The following PDE3B variants were observed in gnomAD, a reference collection of about 807,000 sequenced individuals.
PDE3B encodes cGMP-inhibited 3',5'-cyclic phosphodiesterase 3B.
In PDE3B, 66 loss-of-function variants were observed where a neutral mutation model predicts 116.8. The ratio of observed to expected loss-of-function variants is 0.56; its 90% CI spans 0.46 to 0.69. The LOEUF is 0.69. PDE3B is among the 30% of genes least tolerant of loss of function. The pLI, the probability that PDE3B is intolerant of heterozygous loss-of-function variation, is 0.00. For synonymous variants in PDE3B, 595 were observed against 533.6 expected, an observed-to-expected ratio of 1.12 and a Z score of -1.59; for missense variants, 1,384 against 1,368.1, an observed-to-expected ratio of 1.01 and a Z score of -0.18.
At chr11:14,692,952 C>T (rs927133898) in intron 1 of PDE3B, among the ~76,000 whole-genome samples, 1 of 152,154 alleles carries the variant, frequency 6.6e-6, no homozygotes, top group African/African-American at 2.4e-5. Context: ...AACAGTTAGT[C>T]AAGCTGTGAA....
chr11:14,733,741 A>G lies in PDE3B; in HGVS notation c.979-38196A>G, dbSNP rs367985040. Among the ~76,000 whole-genome samples, 39 of 152,366 alleles carry G rather than the reference A, an allele frequency of 2.6e-4. No individual in the cohort carries two copies. In the South Asian group the frequency reaches 7.7e-3, roughly 30 times the overall value. ...AAAAGCAGAGAGAAAATGAAAAAGA[A>G]AAAAGGTAGGAAAGATGTGCCTTTT... On this transcript the variant is annotated intron_variant, in intron 1 of 15. Transcript: ENST00000282096.
chr11:14,797,137 T>A (rs968512207), intron 4 of PDE3B, among the ~76,000 whole-genome samples: 1 of 152,220 alleles, frequency 6.6e-6, no homozygotes, highest in African/African-American at 2.4e-5. Context: ...TCCCCATTGC[T>A]TGTTGTGTCA....
intron 7 of PDE3B, among the ~76,000 whole-genome samples, chr11:14,826,046 GA>G (rs1298775183): frequency 6.6e-6 from 1 of 152,180 alleles, no homozygotes; most frequent in Non-Finnish European, 1.5e-5. Flanking sequence ...AATTAAGGCA[GA>G]AATCAAGAAG....
chr11:14,674,661 A>T, intron 1 of PDE3B: 1 of 272,496 alleles, frequency 3.7e-6, no homozygotes, highest in Non-Finnish European at 7.2e-6. Context: ...TATTTGAACT[A>T]CTTAAAGTGA....
At chr11:14,842,919 A>G (rs535248288) in intron 11 of PDE3B, among the ~76,000 whole-genome samples, 1 of 152,340 alleles carries the variant, frequency 6.6e-6, no homozygotes, top group Admixed American at 6.5e-5. Flanking sequence ...GTCAACTAAA[A>G]TAGGATTAAA....
intron 7 of PDE3B, among the ~76,000 whole-genome samples, chr11:14,821,254 T>A (rs1859507557): frequency 1.3e-5 from 2 of 152,224 alleles, no homozygotes; most frequent in Admixed American, 1.3e-4. Flanking sequence ...AAACTACCAG[T>A]TCAGTTAATG....
At chr11:14,810,176 T>C (rs895916502) in intron 5 of PDE3B, among the ~76,000 whole-genome samples, 1 of 152,162 alleles carries the variant, frequency 6.6e-6, no homozygotes, top group Non-Finnish European at 1.5e-5. Context: ...TTCTTTTATT[T>C]ATTATTATAC....
chr11:14,714,750 T>C (rs1405892927), intron 1 of PDE3B, among the ~76,000 whole-genome samples: 1 of 152,074 alleles, frequency 6.6e-6, no homozygotes, highest in African/African-American at 2.4e-5. Flanking sequence ...ATATGGCTAG[T>C]GTGGCTGAAA....
At chr11:14,886,381 G>C in the PDE3B span, 1 of 168,078 alleles carries the variant, frequency 5.9e-6, no homozygotes, top group Non-Finnish European at 1.3e-5. Context: ...GGAGAGGATT[G>C]TCAAATACCT....
At chr11:14,788,468 G>A (rs754219135) in intron 3 of PDE3B, among the ~76,000 whole-genome samples, 1 of 151,956 alleles carries the variant, frequency 6.6e-6, no homozygotes, top group Non-Finnish European at 1.5e-5. Flanking sequence ...TTGCTGCAGT[G>A]TCTGCTGATA....
intron 1 of PDE3B, among the ~76,000 whole-genome samples, chr11:14,769,249 T>G (rs1169354922): frequency 6.6e-6 from 1 of 151,372 alleles, no homozygotes. Flanking sequence ...AATATTGTAA[T>G]GTACAATATT....
intron 1 of PDE3B, among the ~76,000 whole-genome samples, chr11:14,714,812 A>G (rs1855828005): frequency 1.3e-5 from 2 of 152,250 alleles, no homozygotes; most frequent in South Asian, 4.1e-4. Context: ...TTAAATTGTA[A>G]CATATAGCTA....
chr11:14,688,693 G>T (rs1854961426), intron 1 of PDE3B, among the ~76,000 whole-genome samples: 1 of 152,102 alleles, frequency 6.6e-6, no homozygotes, highest in Non-Finnish European at 1.5e-5. Context: ...TCTTTGTGTA[G>T]GTCACTGAGT....
intron 1 of PDE3B, among the ~76,000 whole-genome samples, chr11:14,753,255 A>G (rs73412669): frequency 0.012 from 1,861 of 152,266 alleles, 39 homozygotes; most frequent in African/African-American, 0.042. Context: ...TCCATGAACC[A>G]CATACTTTAT....
At position 14,758,298 on chromosome 11, in the gene PDE3B, G is replaced by A. The variant is rs1427711651; in HGVS notation, c.979-13639G>A. On this transcript the variant is annotated intron_variant, in intron 1 of 15. Transcript: ENST00000282096. ...ACTTGGCGATGCGGGCTCTTTTTTG[G>A]TTCCATATGAACTTTAAAGTAGTTT... Among the ~76,000 whole-genome samples, 337 of 145,314 alleles carry A rather than the reference G, an allele frequency of 2.3e-3. 1 individual carries two copies. The highest frequency in any genetic ancestry group is 3.8e-3 in the Non-Finnish European group (253 of 65,752).
At chr11:14,750,370 T>C (rs1857027126) in intron 1 of PDE3B, among the ~76,000 whole-genome samples, 1 of 152,068 alleles carries the variant, frequency 6.6e-6, no homozygotes, top group African/African-American at 2.4e-5. Flanking sequence ...TTATGATTAT[T>C]TCAAATCATA....
At chr11:14,661,466 G>C (rs1370584305) in intron 1 of PDE3B, among the ~76,000 whole-genome samples, 1 of 152,198 alleles carries the variant, frequency 6.6e-6, no homozygotes, top group Non-Finnish European at 1.5e-5. Context: ...TAGGACAGTG[G>C]GTGCAGCGCA....
At chr11:14,654,818 A>G (rs1021136718) in intron 1 of PDE3B, among the ~76,000 whole-genome samples, 1 of 151,752 alleles carries the variant, frequency 6.6e-6, no homozygotes, top group Non-Finnish European at 1.5e-5. Context: ...ACACACACAC[A>G]CACACACACA....
At chr11:14,787,110 T>A (rs1301042989) in intron 3 of PDE3B, among the ~76,000 whole-genome samples, 1 of 152,020 alleles carries the variant, frequency 6.6e-6, no homozygotes, top group African/African-American at 2.4e-5. Flanking sequence ...GATTTTTAAG[T>A]TTTTTGAACC....
Sources: gnomAD v4.1 joint callset for allele counts (sites outside exome capture counted in the v4.1 genomes callset) on GRCh38, gnomAD v4.1.1 for gene constraint, MANE v1.5 for transcripts, NCBI Gene and HGNC (gene_info 2026-07-23, HGNC 2026-07-21) for gene names.